Variants in DMD observed in about 807,000 individuals in gnomAD.
The protein encoded by DMD is mutant dystrophin.
DMD carries 63 observed loss-of-function variants against 330.1 expected under a neutral mutation model. That is an observed-to-expected ratio of 0.19 (90% confidence interval 0.16 to 0.24). DMD has a LOEUF of 0.24. Ranked by LOEUF, DMD falls within the 10% of genes least tolerant of loss-of-function variation. The pLI, the probability that DMD is intolerant of heterozygous loss-of-function variation, is 1.00. For synonymous variants in DMD, 1,223 were observed against 959.8 expected, an observed-to-expected ratio of 1.27 and a Z score of -5.07; for missense variants, 3,344 against 2,684.1, an observed-to-expected ratio of 1.25 and a Z score of -5.43.
intron 60 of DMD, among the ~76,000 whole-genome samples, chrX:31,426,203 A>T (rs1488276721): frequency 9.0e-6 from 1 of 110,742 alleles, no homozygotes; most frequent in African/African-American, 3.3e-5. Context: ...AGTTCGTGTT[A>T]AAAAAAAATA....
At chrX:31,817,696 G>A (rs2092667523) in intron 50 of DMD, among the ~76,000 whole-genome samples, 1 of 111,434 alleles carries the variant, frequency 9.0e-6, no homozygotes, top group Non-Finnish European at 1.9e-5. Context: ...CATAGGAGAA[G>A]ACAAGAGTGG....
At chrX:32,426,205 G>A (rs940992192) in intron 29 of DMD, among the ~76,000 whole-genome samples, 1 of 111,674 alleles carries the variant, frequency 9.0e-6, no homozygotes, top group Non-Finnish European at 1.9e-5. Flanking sequence ...ACAAACTACA[G>A]AACGGGAGAA....
At chrX:31,219,119 C>G (rs943929694) in intron 64 of DMD, among the ~76,000 whole-genome samples, 2 of 111,669 alleles carry the variant, frequency 1.8e-5, no homozygotes, top group African/African-American at 6.5e-5. Flanking sequence ...TACTTCTTCC[C>G]CTACCTCCCT....
At chrX:32,166,173 G>T (rs72626019) in intron 44 of DMD, among the ~76,000 whole-genome samples, 2,473 of 111,144 alleles carry the variant, frequency 0.022, 88 homozygotes, top group Admixed American at 0.14. Flanking sequence ...CATCAATTTC[G>T]GCTGGGCATG....
intron 59 of DMD, among the ~76,000 whole-genome samples, chrX:31,476,277 G>C (rs192778458): frequency 2.4e-4 from 26 of 106,153 alleles, no homozygotes; most frequent in African/African-American, 7.2e-4. Context: ...TCCAGACAGA[G>C]AGAACAGCAT....
intron 74 of DMD, among the ~76,000 whole-genome samples, chrX:31,168,554 C>G (rs1311815725): frequency 8.9e-6 from 1 of 111,738 alleles, no homozygotes; most frequent in Non-Finnish European, 1.9e-5. Context: ...CCCGAGGGCA[C>G]TGATCTCAGA....
chrX:32,119,397 C>T lies in DMD; in HGVS notation c.6438+97519G>A, dbSNP rs187032508. 6.4e-5 allele frequency among the ~76,000 whole-genome samples: 7 copies of T among 108,959 alleles called. No individual in the cohort carries two copies. The East Asian group carries it at 2.0e-3, about 32-fold the overall frequency. The allele number at this position is 108,959 out of a possible 115,157, so 94.6% of individuals were successfully genotyped here. On this transcript the variant is annotated intron_variant, in intron 44 of 78. Transcript: ENST00000357033. ...TTGGCAGTCTTGAGAACTAACGTAACCCTATTTGCAAGGTGACAGTATGTA... is the reference window on the plus strand; with the variant it reads ...TTGGCAGTCTTGAGAACTAACGTAATCCTATTTGCAAGGTGACAGTATGTA...
At position 32,823,407 on chromosome X, in the gene DMD, A is replaced by C. The variant is rs762473651; in HGVS notation, c.265-20T>G. The stretch of plus-strand genomic sequence containing the variant: ...ATCAACCTGTTAAAGAAAGGGGTAA[A>C]ACATTTGAAGGTAAGAGACCAAATG... On this transcript the variant is annotated intron_variant, in intron 4 of 78. Transcript: ENST00000357033. 7 of 1,104,791 alleles carry C rather than the reference A, an allele frequency of 6.3e-6. No homozygotes were observed. The highest frequency in any genetic ancestry group is 8.7e-6 in the Non-Finnish European group (7 of 800,053). The allele number at this position is 1,104,791 out of a possible 1,213,427, so 91.0% of individuals were successfully genotyped here.
intron 44 of DMD, among the ~76,000 whole-genome samples, chrX:32,004,990 C>T (rs758770153): frequency 1.8e-5 from 2 of 111,445 alleles, no homozygotes; most frequent in African/African-American, 6.5e-5. Context: ...AAGACTGCAC[C>T]CCACTGCTGC....
At chrX:31,834,862 A>AG (rs1448743447) in intron 49 of DMD, among the ~76,000 whole-genome samples, 1 of 111,106 alleles carries the variant, frequency 9.0e-6, no homozygotes, top group East Asian at 2.8e-4. Flanking sequence ...ACAGGGAAGG[A>AG]GAAAAAAAAA....
At chrX:32,297,277 T>C (rs2148511704) in intron 42 of DMD, among the ~76,000 whole-genome samples, 1 of 107,820 alleles carries the variant, frequency 9.3e-6, no homozygotes, top group East Asian at 2.9e-4. Context: ...ATTTATTATT[T>C]ATTTATTTAT....
At chrX:31,588,896 G>C (rs1434496444) in intron 55 of DMD, among the ~76,000 whole-genome samples, 1 of 77,372 alleles carries the variant, frequency 1.3e-5, no homozygotes, top group Non-Finnish European at 2.4e-5. Context: ...TTTTCAACTT[G>C]GAATCTATTA....
chrX:33,088,275 C>T lies in DMD; in HGVS notation c.32-68075G>A, dbSNP rs111877625. On this transcript the variant is annotated intron_variant, in intron 1 of 78. Transcript: ENST00000357033. ...GATCAAGCTGGTGTCGAACTCCTGA[C>T]TTCAAATGATCCATCCGCCTCCGCC... Among the ~76,000 whole-genome samples the T allele has an allele frequency of 4.6e-3, 510 of 111,397 alleles. 1 individual carries two copies. The highest frequency in any genetic ancestry group is 0.016 in the African/African-American group (486 of 30,689).
intron 44 of DMD, among the ~76,000 whole-genome samples, chrX:32,111,787 A>G (rs2096590608): frequency 9.0e-6 from 1 of 111,613 alleles, no homozygotes; most frequent in South Asian, 3.8e-4. Context: ...ACAGTTTATT[A>G]TGATGCTTCA....
At chrX:33,293,989 A>T (rs1308379703) in intron 1 of DMD, among the ~76,000 whole-genome samples, 1 of 111,432 alleles carries the variant, frequency 9.0e-6, no homozygotes, top group African/African-American at 3.3e-5. Flanking sequence ...TTCAGCTATG[A>T]CCAGACGTGG....
chrX:32,425,531 A>T (rs757655889), intron 29 of DMD, among the ~76,000 whole-genome samples: 1 of 111,464 alleles, frequency 9.0e-6, no homozygotes, highest in Non-Finnish European at 1.9e-5. Context: ...CTGCCCTATT[A>T]CTATTCAATT....
At chrX:31,833,094 C>T (rs1180926468) in intron 49 of DMD, among the ~76,000 whole-genome samples, 1 of 110,888 alleles carries the variant, frequency 9.0e-6, no homozygotes, top group African/African-American at 3.3e-5. Flanking sequence ...AAATGGAACA[C>T]ATTAAAGACT....
At chrX:31,831,963 C>T (rs1458805695) in intron 49 of DMD, among the ~76,000 whole-genome samples, 1 of 112,415 alleles carries the variant, frequency 8.9e-6, no homozygotes, top group African/African-American at 3.2e-5. Context: ...TTATTAAATG[C>T]CTCTAATATT....
chrX:32,300,748 A>C (rs1232543881), intron 42 of DMD, among the ~76,000 whole-genome samples: 1 of 111,150 alleles, frequency 9.0e-6, no homozygotes, highest in Non-Finnish European at 1.9e-5. Context: ...AATTTCTTAG[A>C]GTCAGGATAC....
Sources: allele counts gnomAD v4.1 joint callset (sites outside exome capture counted in the v4.1 genomes callset), GRCh38; gene constraint gnomAD v4.1.1; transcripts MANE v1.5; gene names NCBI Gene and HGNC (gene_info 2026-07-23, HGNC 2026-07-21).